The following STK17A variants were observed in gnomAD, a reference collection of about 807,000 sequenced individuals.
STK17A encodes serine/threonine kinase 17a.
In STK17A, 26 loss-of-function variants were observed where a neutral mutation model predicts 43.7. That is an observed-to-expected ratio of 0.60 (90% confidence interval 0.44 to 0.83). The LOEUF is 0.83. Among genes scored for constraint, STK17A ranks in the 40% least tolerant of loss-of-function variants. The pLI, the probability that STK17A is intolerant of heterozygous loss-of-function variation, is 0.00. For synonymous variants in STK17A, 191 were observed against 182.5 expected (o/e 1.05, Z -0.38); for missense variants, 476 against 511.6 (o/e 0.93, Z 0.67).
chr7:43,613,072 G>A (rs2083021505), intron 3 of STK17A, among the ~76,000 whole-genome samples: 1 of 152,180 alleles, frequency 6.6e-6, no homozygotes, highest in Non-Finnish European at 1.5e-5. Flanking sequence ...GTCAGAGGGA[G>A]GGAGGACTGA....
At chr7:43,598,047 A>C (rs1290349510) in intron 2 of STK17A, among the ~76,000 whole-genome samples, 1 of 152,232 alleles carries the variant, frequency 6.6e-6, no homozygotes, top group Non-Finnish European at 1.5e-5. Flanking sequence ...AATACATGAC[A>C]TTTCATAGGC....
chr7:43,598,574 G>C (rs1262181213), intron 2 of STK17A, among the ~76,000 whole-genome samples: 2 of 151,744 alleles, frequency 1.3e-5, no homozygotes, highest in African/African-American at 2.4e-5. Flanking sequence ...GTGGTCCTCT[G>C]AAATACTACG....
intron 1 of STK17A, among the ~76,000 whole-genome samples, chr7:43,593,365 G>A (rs926404922): frequency 4.6e-5 from 7 of 152,166 alleles, no homozygotes; most frequent in Admixed American, 6.5e-5. Context: ...TATGAGTGCA[G>A]GTGTCTTTTT....
At chr7:43,597,657 TACAGGCGTGA>T (rs2082527092) in intron 2 of STK17A, among the ~76,000 whole-genome samples, 2 of 152,314 alleles carry the variant, frequency 1.3e-5, no homozygotes, top group African/African-American at 4.8e-5. Context: ...AGTGCTGGTT[TACAGGCGTGA>T]GCCCAGCCAA....
intron 3 of STK17A, among the ~76,000 whole-genome samples, chr7:43,610,229 C>A (rs2152976277): frequency 6.6e-6 from 1 of 151,972 alleles, no homozygotes; most frequent in East Asian, 1.9e-4. Context: ...TGCCTGTAGT[C>A]CCAGCTACTT....
Position 43,583,466 on chromosome 7 carries a change from C to T in STK17A, c.206+17C>T. On this transcript the variant is annotated intron_variant, in intron 1 of 6. Transcript: ENST00000319357. ...GCTGGGCAGGTGAGGACGGGCGGGG[C>T]CCGGCGCGGAACCTTCCCGGACGCG... 1 of 1,293,220 alleles carries T rather than the reference C, an allele frequency of 7.7e-7. No individual in the cohort carries two copies. The highest frequency in any genetic ancestry group is 9.8e-7 in the Non-Finnish European group (1 of 1,022,320). The allele number at this position is 1,293,220 out of a possible 1,614,324, so 80.1% of individuals were successfully genotyped here.
At chr7:43,621,912 C>T (rs767520225) in intron 4 of STK17A, among the ~76,000 whole-genome samples, 2 of 152,160 alleles carry the variant, frequency 1.3e-5, no homozygotes, top group Non-Finnish European at 2.9e-5. Context: ...AGTCATTTTA[C>T]ATACACACAG....
intron 1 of STK17A, 58 bp from the exon 2 acceptor site, chr7:43,595,843 A>G: frequency 6.6e-7 from 1 of 1,525,420 alleles, no homozygotes; most frequent in East Asian, 2.3e-5. Context: ...TTTCATTGAA[A>G]TCTGCCATCT....
In STK17A at chr7:43,583,216, G is replaced by A. The variant is rs1389073069; in HGVS notation, c.-28G>A. The A allele has an allele frequency of 1.3e-6, 2 of 1,553,872 alleles. No individual in the cohort carries two copies. The highest frequency in any genetic ancestry group is 2.7e-5 in the East Asian group (1 of 37,308). On this transcript the variant is annotated 5_prime_UTR_variant, in exon 1 of 7. Transcript: ENST00000319357. ...CTCCGGCTGCTCGGAGTGAACAGGC[G>A]GCCAGGAAAGAAGCGGGCCTGAACA...
At chr7:43,612,568 A>AT (rs1363758066) in intron 3 of STK17A, among the ~76,000 whole-genome samples, 4 of 152,230 alleles carry the variant, frequency 2.6e-5, no homozygotes, top group Admixed American at 1.3e-4. Context: ...ATGTATGGTA[A>AT]TTTTGAATTA....
intron 2 of STK17A, among the ~76,000 whole-genome samples, chr7:43,606,911 ATTTTCT>A (rs1563147816): frequency 3.4e-5 from 2 of 58,432 alleles, no homozygotes; most frequent in Non-Finnish European, 6.9e-5. Context: ...TAGCTTTTCG[ATTTTCT>A]TTTTTTTTTT....
chr7:43,593,937 T>A (rs2082497718), intron 1 of STK17A, among the ~76,000 whole-genome samples: 2 of 152,288 alleles, frequency 1.3e-5, no homozygotes, highest in South Asian at 4.1e-4. Flanking sequence ...TCAGCCCAAT[T>A]TGAAATATGA....
chr7:43,607,979 A>T lies in STK17A; in HGVS notation c.420-277A>T, dbSNP rs748311969. ...ACCGTGTTTTGATTCAGGTTGTTAAATCCATACTAACAGTTATACAGGCTG... is the reference window on the plus strand; with the variant it reads ...ACCGTGTTTTGATTCAGGTTGTTAATTCCATACTAACAGTTATACAGGCTG... On this transcript the variant is annotated intron_variant, in intron 2 of 6. Transcript: ENST00000319357. Among the ~76,000 whole-genome samples, 7 of 152,276 alleles carry T rather than the reference A, an allele frequency of 4.6e-5. No individual in the cohort carries two copies. In the South Asian group the frequency reaches 8.3e-4, roughly 18 times the overall value.
In STK17A at chr7:43,619,578, G is replaced by T; in HGVS notation, c.565-19G>T. The T allele has an allele frequency of 1.2e-6, 2 of 1,608,342 alleles. No individual in the cohort carries two copies. Among genetic ancestry groups the T allele is most frequent in the South Asian group, 2.2e-5 (2 of 89,824 alleles). On this transcript the variant is annotated intron_variant, in intron 3 of 6. Transcript: ENST00000319357. ...AATCATAGTTATATTGATTTTTGCG[G>T]GGGTGTATTTTCTTTTAGCCTCAGA...
chr7:43,589,985 A>T (rs2082468917), intron 1 of STK17A, among the ~76,000 whole-genome samples: 1 of 146,690 alleles, frequency 6.8e-6, no homozygotes, highest in South Asian at 2.1e-4. Context: ...ACAGGGTCTC[A>T]TTCTGTTGCC....
At chr7:43,600,054 A>G (rs527355878) in intron 2 of STK17A, among the ~76,000 whole-genome samples, 3 of 152,222 alleles carry the variant, frequency 2.0e-5, no homozygotes, top group East Asian at 3.9e-4. Flanking sequence ...GGACTCCCAC[A>G]CTAATCTCTG....
rs1299529629 is a variant in STK17A at position 43,623,902 on chromosome 7, T to G, written c.920+14T>G. Reference sequence around the variant, plus strand: ...TAAGAAACCTGAGTAAGTATTATTTTTATTAGTTTAATATTGAACTAATTC... The same window carrying G: ...TAAGAAACCTGAGTAAGTATTATTTGTATTAGTTTAATATTGAACTAATTC... On this transcript the variant is annotated intron_variant, in intron 6 of 6. Coordinates refer to ENST00000319357, the MANE Select transcript of STK17A (RefSeq NM_004760.3). 1 of 1,465,954 alleles carries G rather than the reference T, an allele frequency of 6.8e-7. No homozygotes were observed. Among genetic ancestry groups the G allele is most frequent in the Non-Finnish European group, 9.0e-7 (1 of 1,113,522 alleles). The allele number at this position is 1,465,954 out of a possible 1,614,324, so 90.8% of individuals were successfully genotyped here. A position where few individuals can be genotyped will look rare whatever the true frequency, so the allele number is the denominator to read the frequency against.
chr7:43,597,932 A>G (rs2082529729), intron 2 of STK17A, among the ~76,000 whole-genome samples: 1 of 152,012 alleles, frequency 6.6e-6, no homozygotes. Flanking sequence ...CTCAAAAAAC[A>G]AAAAAAATTT....
At chr7:43,608,684 A>T (rs1386089239) in intron 3 of STK17A, 1 of 235,744 alleles carries the variant, frequency 4.2e-6, no homozygotes, top group Non-Finnish European at 8.1e-6. Flanking sequence ...TAGGATTTAG[A>T]TAAGTTGAGA....
Sources: allele counts gnomAD v4.1 joint callset (sites outside exome capture counted in the v4.1 genomes callset), GRCh38; gene constraint gnomAD v4.1.1; transcripts MANE v1.5; gene names NCBI Gene and HGNC (gene_info 2026-07-23, HGNC 2026-07-21).